The following BTD variants were observed in gnomAD, a reference collection of about 807,000 sequenced individuals.
The protein encoded by BTD is biotinidase.
In BTD, 13 loss-of-function variants were observed where a neutral mutation model predicts 17.7. The observed-to-expected ratio is 0.74, with a 90% CI of 0.48 to 1.17. The LOEUF (loss-of-function observed/expected upper bound fraction) is 1.17, where lower values mean the gene tolerates loss of function less well. Among genes scored for constraint, BTD ranks in the 50% most tolerant of loss-of-function variants. The probability of loss-of-function intolerance (pLI) is 0.00; values close to 1 mark genes in which losing one functional copy is unlikely to be tolerated. For synonymous variants in BTD, 240 were observed against 245.2 expected (o/e 0.98, Z 0.20); for missense variants, 674 against 650.4 (o/e 1.04, Z -0.39).
chr3:15,619,750 G>A (rs368227166), intron 1 of BTD, among the ~76,000 whole-genome samples: 4 of 152,296 alleles, frequency 2.6e-5, no homozygotes, highest in Admixed American at 1.3e-4. Context: ...ATATTTCAAC[G>A]TAAGTTCTAT....
downstream of BTD, among the ~76,000 whole-genome samples, chr3:15,656,572 A>G (rs2065873436): frequency 6.6e-6 from 1 of 152,192 alleles, no homozygotes; most frequent in African/African-American, 2.4e-5. Flanking sequence ...CCTTGCTGAG[A>G]AAACTTTTGC....
At chr3:15,678,157 C>T (rs1255698165) in intron 3 of BTD, 3 of 1,517,624 alleles carry the variant, frequency 2.0e-6, no homozygotes, top group South Asian at 1.2e-5. Context: ...CTAAGTTATA[C>T]ATAAGTGATA....
chr3:15,607,637 C>T (rs2064495257), intron 1 of BTD, among the ~76,000 whole-genome samples: 1 of 152,152 alleles, frequency 6.6e-6, no homozygotes, highest in South Asian at 2.1e-4. Flanking sequence ...AGTATTCTCA[C>T]AAATGTATTA....
At position 15,645,157 on chromosome 3, in the gene BTD, C is replaced by G. The variant is rs756080092; in HGVS notation, c.1241C>G (p.Ser414Cys). Residue 414 changes from serine to cysteine, a missense_variant, in exon 4 of 4, where the codon TCC becomes TGC. Coordinates refer to ENST00000643237, the MANE Select transcript of BTD (RefSeq NM_001370658.1). ...TTACTTTACGAGAGGCCCACCTTAT[C>G]CAAAGAGCTGTATGCCCTGGGGGTC... Reference protein sequence around the residue: ...CYLLYERPTLSKELYALGVFD... With the variant: ...CYLLYERPTLCKELYALGVFD... The G allele has an allele frequency of 6.2e-7, 1 of 1,614,176 alleles. No individual in the cohort carries two copies. The highest frequency in any genetic ancestry group is 8.5e-7 in the Non-Finnish European group (1 of 1,180,030).
At chr3:15,610,370 A>G (rs2064581840) in intron 1 of BTD, among the ~76,000 whole-genome samples, 1 of 152,222 alleles carries the variant, frequency 6.6e-6, no homozygotes, top group African/African-American at 2.4e-5. Flanking sequence ...GTTTGCTAAC[A>G]TCTCATTAGC....
intron 1 of BTD, among the ~76,000 whole-genome samples, chr3:15,626,141 G>A (rs866890367): frequency 6.6e-6 from 1 of 152,028 alleles, no homozygotes; most frequent in Middle Eastern, 3.2e-3. Flanking sequence ...TTTTGTGTAT[G>A]GCCTAAGATG....
intron 3 of BTD, among the ~76,000 whole-genome samples, chr3:15,704,375 T>C (rs189545787): frequency 3.3e-5 from 5 of 152,286 alleles, no homozygotes; most frequent in African/African-American, 9.6e-5. Flanking sequence ...AGCAGAATTA[T>C]AATTACTGTA....
intron 3 of BTD, among the ~76,000 whole-genome samples, chr3:15,670,773 A>G (rs1452264174): frequency 6.6e-6 from 1 of 152,228 alleles, no homozygotes; most frequent in Non-Finnish European, 1.5e-5. Context: ...TAGACAACAG[A>G]AGAGGAAGCA....
downstream of BTD, among the ~76,000 whole-genome samples, chr3:15,716,850 G>A (rs1177321016): frequency 6.6e-6 from 1 of 152,096 alleles, no homozygotes; most frequent in Non-Finnish European, 1.5e-5. Flanking sequence ...TAATTCCAGC[G>A]CTTGGGGAGG....
In BTD at chr3:15,635,800, C is replaced by G. The variant is rs868770610; in HGVS notation, c.249+112C>G. The G allele has an allele frequency of 2.0e-6, 3 of 1,493,110 alleles. No individual in the cohort carries two copies. The South Asian group carries it at 3.4e-5, about 17-fold the overall frequency. The allele number at this position is 1,493,110 out of a possible 1,614,324, so 92.5% of individuals were successfully genotyped here. A position where few individuals can be genotyped will look rare whatever the true frequency, so the allele number is the denominator to read the frequency against. On this transcript the variant is annotated intron_variant, in intron 2 of 3. Coordinates refer to ENST00000643237, the MANE Select transcript of BTD (RefSeq NM_001370658.1). This position sits in a 1 kb window ranked among gnomAD's most constrained non-coding sequence, Gnocchi z 4.1. ...TTCCTACCACCCTCTGAAAAAGCAT[C>G]CAGGTAGTTAACCTGAGTTGAGTTA...
chr3:15,644,451 G>A lies in BTD; in HGVS notation c.535G>A (p.Val179Met), dbSNP rs397514375. ...GAGATACCAGTTCAACACAAATGTC[G>A]TGTTCAGCAATAATGGAACCCTTGT... ...DGRYQFNTNV[V>M]FSNNGTLVDR... Residue 179 changes from valine (V) to methionine (M), a missense_variant, in exon 4 of 4, where the codon GTG (valine) becomes ATG (methionine). Transcript: ENST00000643237. 30 of 1,613,920 alleles carry A rather than the reference G, an allele frequency of 1.9e-5. No homozygotes were observed. Among genetic ancestry groups the A allele is most frequent in the Admixed American group, 1.3e-4 (8 of 59,986 alleles).
chr3:15,639,916 C>T lies in BTD; in HGVS notation c.250-1992C>T, dbSNP rs528281112. On this transcript the variant is annotated intron_variant, in intron 2 of 3. Coordinates refer to ENST00000643237, the MANE Select transcript of BTD (RefSeq NM_001370658.1). The stretch of plus-strand genomic sequence containing the variant: ...CTTGAGGTCAGGAGTTTGAGACCAG[C>T]CTGATGGTGAAACCCCATCTCCACT... Among the ~76,000 whole-genome samples the T allele has an allele frequency of 1.3e-4, 20 of 152,222 alleles. No individual in the cohort carries two copies. In the South Asian group the frequency reaches 4.2e-3, roughly 32 times the overall value.
intron 3 of BTD, chr3:15,709,623 A>G: frequency 1.5e-6 from 2 of 1,343,276 alleles, no homozygotes; most frequent in South Asian, 2.7e-5. Context: ...CAATCAAGTT[A>G]TTAAGTAAAA....
Position 15,644,911 on chromosome 3 carries a change from G to A in BTD, c.995G>A (p.Gly332Asp), listed in dbSNP as rs748194807. ...CTCATTGGTGCAGAGAATGCAACAG[G>A]TGAAACGGACCCATCCCATAGTAAG... is the stretch of plus-strand genomic sequence containing the variant. ...VGLIGAENAT[G>D]ETDPSHSKFL... Residue 332 changes from glycine to aspartate, a missense_variant, in exon 4 of 4, where the codon GGT (glycine) becomes GAT (aspartate). Transcript: ENST00000643237. 6.4e-5 allele frequency: 103 copies of A among 1,614,004 alleles called. No homozygotes were observed. The highest frequency in any genetic ancestry group is 7.8e-5 in the Non-Finnish European group (92 of 1,180,040).
chr3:15,638,376 C>T (rs1372531152), intron 2 of BTD, among the ~76,000 whole-genome samples: 1 of 152,264 alleles, frequency 6.6e-6, no homozygotes, highest in Admixed American at 6.5e-5. Flanking sequence ...GAACACGCAG[C>T]CCTGACGTAT....
At chr3:15,711,692 A>ATT (rs879312791) in exon 4 of BTD, among the ~76,000 whole-genome samples, 1 of 144,998 alleles carries the variant, frequency 6.9e-6, no homozygotes, top group African/African-American at 2.5e-5. Context: ...GGTTTTCTGT[A>ATT]TTTTTTTTTT....
intron 1 of BTD, among the ~76,000 whole-genome samples, chr3:15,629,762 C>T (rs566973778): frequency 6.6e-6 from 1 of 152,112 alleles, no homozygotes; most frequent in Non-Finnish European, 1.5e-5. Flanking sequence ...ACTAAATTGC[C>T]CTGGTTCTTC....
At chr3:15,685,979 G>C in intron 3 of BTD, 1 of 1,589,994 alleles carries the variant, frequency 6.3e-7, no homozygotes. Context: ...CTTTTTGAAA[G>C]GAAAGAGCAT....
intron 1 of BTD, among the ~76,000 whole-genome samples, chr3:15,609,738 T>C (rs995648362): frequency 2.0e-5 from 3 of 152,212 alleles, no homozygotes; most frequent in Non-Finnish European, 4.4e-5. Flanking sequence ...GCACATTTCC[T>C]TATTGGATTA....
Sources: allele counts gnomAD v4.1 joint callset (sites outside exome capture counted in the v4.1 genomes callset), GRCh38; gene constraint gnomAD v4.1.1; non-coding constraint Gnocchi (gnomAD v3.1); transcripts MANE v1.5; gene names NCBI Gene and HGNC (gene_info 2026-07-23, HGNC 2026-07-21).